RNF150: variants seen among roughly 807,000 people sequenced by gnomAD.
RNF150 encodes ring finger protein 150.
RNF150 carries 24 observed loss-of-function variants against 39.3 expected under a neutral mutation model. That is an observed-to-expected ratio of 0.61 (90% CI 0.44 to 0.86). The LOEUF is 0.86. Among genes scored for constraint, RNF150 ranks in the 40% least tolerant of loss-of-function variants. RNF150 has a pLI of 0.00. For synonymous variants in RNF150, 255 were observed against 227.3 expected, an observed-to-expected ratio of 1.12 and a Z score of -1.10; for missense variants, 502 against 587.8, an observed-to-expected ratio of 0.85 and a Z score of 1.51.
Position 141,133,451 on chromosome 4 carries a change from C to CGT in RNF150, c.-645_-644dup, listed in dbSNP as rs757827474. 2.1e-4 allele frequency: 34 copies of CGT among 164,102 alleles called. No homozygotes were observed. The highest frequency in any genetic ancestry group is 2.8e-3 in the Middle Eastern group (1 of 362). 10.2% of individuals were successfully genotyped at this position (164,102 alleles called of 1,614,324 possible). A position where few individuals can be genotyped will look rare whatever the true frequency, so the allele number is the denominator to read the frequency against. ...AGCAGGCAGAGCGGAGTAAGCGGTC[C>CGT]GTGTGTGTGTGTCTGTATGTTTGTG... On this transcript the variant is annotated 5_prime_UTR_variant, in exon 1 of 7. Transcript: ENST00000515673.
chr4:140,952,079 G>A (rs113210168), intron 2 of RNF150, among the ~76,000 whole-genome samples: 8 of 151,960 alleles, frequency 5.3e-5, no homozygotes, highest in Non-Finnish European at 8.8e-5. Context: ...GTGCGATCTC[G>A]GCTCACTGCA....
At chr4:140,987,594 T>A (rs1734056739) in intron 1 of RNF150, among the ~76,000 whole-genome samples, 1 of 152,002 alleles carries the variant, frequency 6.6e-6, no homozygotes, top group Admixed American at 6.6e-5. Flanking sequence ...CCCTTCCCAT[T>A]CACACATACA....
intron 1 of RNF150, among the ~76,000 whole-genome samples, chr4:141,093,890 T>C (rs1384545807): frequency 6.6e-6 from 1 of 152,042 alleles, no homozygotes; most frequent in Non-Finnish European, 1.5e-5. Flanking sequence ...TTTAAGTGAA[T>C]GAAAGAAGAG....
chr4:140,995,685 GT>G (rs1403860517), intron 1 of RNF150, among the ~76,000 whole-genome samples: 24 of 152,194 alleles, frequency 1.6e-4, no homozygotes, highest in Non-Finnish European at 3.1e-4. Context: ...GAGTTCAGTT[GT>G]TTTTATTTTT....
At chr4:141,045,689 G>A (rs981351041) in intron 1 of RNF150, among the ~76,000 whole-genome samples, 31 of 151,904 alleles carry the variant, frequency 2.0e-4, no homozygotes, top group African/African-American at 5.8e-4. Context: ...GATTACAGGC[G>A]TCCACCACCA....
At chr4:141,010,726 A>G (rs1402544766) in intron 1 of RNF150, among the ~76,000 whole-genome samples, 1 of 152,138 alleles carries the variant, frequency 6.6e-6, no homozygotes, top group Non-Finnish European at 1.5e-5. Context: ...CGCCGCTAAC[A>G]GCACCCTTTG....
intron 1 of RNF150, among the ~76,000 whole-genome samples, chr4:141,192,920 C>A (rs1418412912): frequency 6.6e-6 from 1 of 152,206 alleles, no homozygotes; most frequent in East Asian, 1.9e-4. Flanking sequence ...CTAGAAGGCA[C>A]TTTTGCCAGG....
chr4:141,206,245 C>T (rs1326128761), intron 1 of RNF150, among the ~76,000 whole-genome samples: 1 of 151,738 alleles, frequency 6.6e-6, no homozygotes, highest in Non-Finnish European at 1.5e-5. Flanking sequence ...ATGGTGAAAC[C>T]TCATCTCTAC....
At chr4:141,032,629 G>A (rs1735991982) in intron 1 of RNF150, among the ~76,000 whole-genome samples, 1 of 151,358 alleles carries the variant, frequency 6.6e-6, no homozygotes, top group African/African-American at 2.4e-5. Flanking sequence ...AGAATCTTCT[G>A]GACCCCCAAG....
chr4:141,078,785 G>A (rs1460368383), intron 1 of RNF150, among the ~76,000 whole-genome samples: 6 of 65,958 alleles, frequency 9.1e-5, no homozygotes, highest in Non-Finnish European at 1.2e-4. Flanking sequence ...GCGAAACTCC[G>A]TCTCAAAAAA....
intron 1 of RNF150, among the ~76,000 whole-genome samples, chr4:141,170,829 G>A (rs1727704032): frequency 6.6e-6 from 1 of 152,178 alleles, no homozygotes; most frequent in South Asian, 2.1e-4. Context: ...GCAAGAATGT[G>A]ATTGTTATAA....
intron 5 of RNF150, among the ~76,000 whole-genome samples, chr4:140,923,435 C>T (rs925911003): frequency 2.0e-5 from 3 of 152,178 alleles, no homozygotes; most frequent in South Asian, 2.1e-4. Context: ...CATCTCACAC[C>T]AGTTAGAATG....
intron 1 of RNF150, among the ~76,000 whole-genome samples, chr4:141,114,611 G>A (rs1021889899): frequency 1.3e-5 from 2 of 151,992 alleles, no homozygotes; most frequent in Non-Finnish European, 2.9e-5. Context: ...TGAAACTATC[G>A]TAAGAAATAG....
intron 1 of RNF150, among the ~76,000 whole-genome samples, chr4:141,210,246 C>A (rs1482271507): frequency 6.6e-6 from 1 of 152,122 alleles, no homozygotes; most frequent in East Asian, 1.9e-4. Context: ...GTTGACAATT[C>A]TTTCCACCAG....
At chr4:141,199,744 A>T (rs1489973208) in intron 1 of RNF150, among the ~76,000 whole-genome samples, 1 of 152,242 alleles carries the variant, frequency 6.6e-6, no homozygotes, top group African/African-American at 2.4e-5. Context: ...TATTACAATT[A>T]TAATGAGAAA....
At chr4:141,034,962 G>GA (rs1485137411) in intron 1 of RNF150, among the ~76,000 whole-genome samples, 3 of 152,166 alleles carry the variant, frequency 2.0e-5, no homozygotes, top group African/African-American at 7.2e-5. Context: ...AATGTTGTTG[G>GA]AAAAATGGCA....
intron 1 of RNF150, among the ~76,000 whole-genome samples, chr4:141,089,938 A>G (rs944182756): frequency 6.6e-6 from 1 of 152,232 alleles, no homozygotes; most frequent in African/African-American, 2.4e-5. Flanking sequence ...ATATTTATAG[A>G]TGACAAAAAA....
At chr4:140,937,314 G>GC (rs1731897687) in intron 4 of RNF150, among the ~76,000 whole-genome samples, 1 of 152,160 alleles carries the variant, frequency 6.6e-6, no homozygotes, top group East Asian at 1.9e-4. Context: ...AGGCTGGAGT[G>GC]CAATGGTGCG....
chr4:140,921,175 TATA>T (rs58434636), intron 5 of RNF150, among the ~76,000 whole-genome samples: 86 of 148,150 alleles, frequency 5.8e-4, no homozygotes, highest in Non-Finnish European at 7.6e-4. Flanking sequence ...AAACTTAAAG[TATA>T]ATAATAATAA....
Sources: allele counts gnomAD v4.1 joint callset (sites outside exome capture counted in the v4.1 genomes callset), GRCh38; gene constraint gnomAD v4.1.1; transcripts MANE v1.5; gene names NCBI Gene and HGNC (gene_info 2026-07-23, HGNC 2026-07-21).